The following ERC2 variants were observed in gnomAD, a reference collection of about 807,000 sequenced individuals.
The protein encoded by ERC2 is ELKS/RAB6-interacting/CAST family member 2.
Under a neutral mutation model 114.8 loss-of-function variants are expected in ERC2, and 42 were observed. The observed-to-expected ratio is 0.37, with a 90% confidence interval of 0.29 to 0.47. ERC2 has a LOEUF of 0.47. Among genes scored for constraint, ERC2 ranks in the 20% least tolerant of loss-of-function variants. ERC2 has a pLI of 0.99. For missense variants in ERC2, 939 were observed against 1,150.7 expected, an observed-to-expected ratio of 0.82 and a Z score of 2.66; for synonymous variants, 454 against 425.5, an observed-to-expected ratio of 1.07 and a Z score of -0.82.
At chr3:55,769,433 G>C (rs1575545748) in intron 14 of ERC2, among the ~76,000 whole-genome samples, 2 of 151,810 alleles carry the variant, frequency 1.3e-5, no homozygotes, top group East Asian at 3.9e-4. Flanking sequence ...ATCTTAGGGG[G>C]AACATCACAG....
At chr3:55,796,586 C>A (rs571303416) in intron 14 of ERC2, among the ~76,000 whole-genome samples, 136 of 152,236 alleles carry the variant, frequency 8.9e-4, no homozygotes, top group African/African-American at 3.2e-3. Flanking sequence ...TCACTACGCC[C>A]AGCTAACTTT....
intron 17 of ERC2, among the ~76,000 whole-genome samples, chr3:55,621,452 TC>T (rs1275486173): frequency 6.6e-6 from 1 of 152,182 alleles, no homozygotes; most frequent in Non-Finnish European, 1.5e-5. Context: ...CTTCTCCTTT[TC>T]CTTTGTGAAA....
intron 17 of ERC2, among the ~76,000 whole-genome samples, chr3:55,642,206 G>T (rs1456480543): frequency 1.3e-5 from 2 of 152,140 alleles, no homozygotes. Flanking sequence ...ATATCCCACT[G>T]TCATTCATGA....
chr3:56,013,622 G>A (rs1464939882), intron 8 of ERC2, among the ~76,000 whole-genome samples: 2 of 152,140 alleles, frequency 1.3e-5, no homozygotes, highest in African/African-American at 2.4e-5. Context: ...GTCTCTCTAG[G>A]CCCAGAAATG....
chr3:56,436,527 T>G (rs1382217810), intron 1 of ERC2, among the ~76,000 whole-genome samples: 1 of 152,158 alleles, frequency 6.6e-6, no homozygotes, highest in Non-Finnish European at 1.5e-5. Context: ...ACTATTTTCC[T>G]TAGAGAAATT....
At chr3:55,622,301 G>A (rs977918644) in intron 17 of ERC2, among the ~76,000 whole-genome samples, 3 of 152,220 alleles carry the variant, frequency 2.0e-5, no homozygotes, top group Non-Finnish European at 2.9e-5. Context: ...AGTCAGAAAT[G>A]TGGTGGAGAA....
At chr3:55,582,005 G>T (rs1333336893) in intron 17 of ERC2, among the ~76,000 whole-genome samples, 3 of 152,186 alleles carry the variant, frequency 2.0e-5, no homozygotes, top group Non-Finnish European at 4.4e-5. Flanking sequence ...CAGTCCTGCA[G>T]TTATACACAG....
intron 12 of ERC2, among the ~76,000 whole-genome samples, chr3:55,967,775 C>T (rs2068850795): frequency 6.6e-6 from 1 of 152,168 alleles, no homozygotes; most frequent in Non-Finnish European, 1.5e-5. Flanking sequence ...TGGATTAATG[C>T]TGTTGTCCTG....
chr3:56,449,078 A>AAG (rs1366093172), intron 1 of ERC2, among the ~76,000 whole-genome samples: 1 of 150,490 alleles, frequency 6.6e-6, no homozygotes, highest in African/African-American at 2.5e-5. Flanking sequence ...CCATCTCAAA[A>AAG]AAAAAAAAAA....
chr3:56,327,232 C>A (rs1291397154), intron 2 of ERC2, among the ~76,000 whole-genome samples: 3 of 152,198 alleles, frequency 2.0e-5, no homozygotes, highest in African/African-American at 7.2e-5. Context: ...AGGAAACTTA[C>A]AATCATGGCA....
intron 3 of ERC2, among the ~76,000 whole-genome samples, chr3:56,232,587 A>G (rs763824601): frequency 3.3e-5 from 5 of 152,230 alleles, no homozygotes; most frequent in Admixed American, 2.6e-4. Context: ...ACAAGTCACA[A>G]TCTCAACAGG....
intron 7 of ERC2, among the ~76,000 whole-genome samples, chr3:56,059,279 C>T (rs540070068): frequency 3.3e-5 from 5 of 151,846 alleles, no homozygotes; most frequent in Non-Finnish European, 7.4e-5. Context: ...TTAGTAGAGA[C>T]GGGGGTTTCA....
At chr3:55,858,258 T>C (rs896475189) in intron 14 of ERC2, among the ~76,000 whole-genome samples, 1 of 152,206 alleles carries the variant, frequency 6.6e-6, no homozygotes, top group Non-Finnish European at 1.5e-5. Flanking sequence ...CAGCTTTATT[T>C]TCTCATAATG....
Position 55,699,507 on chromosome 3 carries a change from C to T in ERC2, c.2718G>A (p.Gln906=). The change falls in exon 16 of 18, where the codon CAG becomes CAA. Residue 906 remains glutamine, a synonymous_variant. Transcript: ENST00000288221. ...RLVHQLKQQT[Q]NRMKLMADNY... ...TGTCTGCCATCAACTTCATTCTGTT[C>T]TGGGTCTGTGCAGAACAAAAACCAA... 1 of 1,611,472 alleles carries T rather than the reference C, an allele frequency of 6.2e-7. No homozygotes were observed. The highest frequency in any genetic ancestry group is 8.5e-7 in the Non-Finnish European group (1 of 1,178,074).
intron 13 of ERC2, among the ~76,000 whole-genome samples, chr3:55,934,186 G>T (rs1559894013): frequency 6.6e-6 from 1 of 152,116 alleles, no homozygotes; most frequent in Non-Finnish European, 1.5e-5. Flanking sequence ...TTATGATGCT[G>T]GGAAAAAGTA....
intron 17 of ERC2, among the ~76,000 whole-genome samples, chr3:55,546,104 G>C (rs1169241654): frequency 6.6e-6 from 1 of 152,170 alleles, no homozygotes; most frequent in Non-Finnish European, 1.5e-5. Context: ...CTTCAGACTG[G>C]GGAGGAGGGT....
intron 10 of ERC2, among the ~76,000 whole-genome samples, chr3:55,995,593 G>T (rs1379701327): frequency 6.6e-6 from 1 of 152,140 alleles, no homozygotes; most frequent in African/African-American, 2.4e-5. Context: ...CATTACTAGG[G>T]TCCATGTAAA....
At chr3:55,907,978 C>T (rs574339838) in intron 13 of ERC2, among the ~76,000 whole-genome samples, 126 of 152,130 alleles carry the variant, frequency 8.3e-4, no homozygotes, top group African/African-American at 2.7e-3. Context: ...AAAGAGGGGA[C>T]GATACATTGG....
chr3:56,275,975 T>C (rs1044526946), intron 3 of ERC2, among the ~76,000 whole-genome samples: 5 of 152,150 alleles, frequency 3.3e-5, no homozygotes, highest in Admixed American at 1.3e-4. Context: ...GAGAAACCCT[T>C]AGAGGGCCTG....
Sources: gnomAD v4.1 joint callset for allele counts (sites outside exome capture counted in the v4.1 genomes callset) on GRCh38, gnomAD v4.1.1 for gene constraint, MANE v1.5 for transcripts, NCBI Gene and HGNC (gene_info 2026-07-23, HGNC 2026-07-21) for gene names.